The following LRRIQ3 variants were observed in gnomAD, a reference collection of about 807,000 sequenced individuals.
The protein encoded by LRRIQ3 is leucine rich repeats and IQ motif containing 3.
In LRRIQ3, 75 loss-of-function variants were observed where a neutral mutation model predicts 59.3. The observed-to-expected ratio is 1.26, with a 90% CI of 1.05 to 1.53. The LOEUF (loss-of-function observed/expected upper bound fraction) is 1.53. Among genes scored for constraint, LRRIQ3 ranks in the 40% most tolerant of loss-of-function variants. The pLI, the probability that LRRIQ3 is intolerant of heterozygous loss-of-function variation, is 0.00. For synonymous variants in LRRIQ3, 250 were observed against 231.3 expected (o/e 1.08, Z -0.73); for missense variants, 831 against 710.0 (o/e 1.17, Z -1.94).
intron 4 of LRRIQ3, among the ~76,000 whole-genome samples, chr1:74,148,259 C>T (rs764578485): frequency 6.6e-6 from 1 of 152,108 alleles, no homozygotes; most frequent in Non-Finnish European, 1.5e-5. Flanking sequence ...GATGCTTTGA[C>T]TTTGAATCTG....
intron 6 of LRRIQ3, among the ~76,000 whole-genome samples, chr1:74,065,046 C>G (rs905302533): frequency 2.0e-5 from 3 of 151,966 alleles, no homozygotes; most frequent in Non-Finnish European, 4.4e-5. Context: ...ACCTAGTTCT[C>G]CCATTACATT....
At chr1:74,133,892 C>CA (rs887873335) in intron 4 of LRRIQ3, among the ~76,000 whole-genome samples, 2 of 151,168 alleles carry the variant, frequency 1.3e-5, no homozygotes, top group African/African-American at 2.4e-5. Flanking sequence ...ATAATCCTAC[C>CA]AAAAAAAATC....
intron 4 of LRRIQ3, among the ~76,000 whole-genome samples, chr1:74,142,234 C>G (rs1401087585): frequency 6.6e-6 from 1 of 151,918 alleles, no homozygotes; most frequent in African/African-American, 2.4e-5. Context: ...ATTTTTCCCA[C>G]AGTAGCTGTA....
intron 6 of LRRIQ3, among the ~76,000 whole-genome samples, chr1:74,058,845 T>G (rs769517427): frequency 6.6e-6 from 1 of 152,048 alleles, no homozygotes; most frequent in Non-Finnish European, 1.5e-5. Flanking sequence ...TATGTATAAT[T>G]ATTATGTATT....
At chr1:74,071,171 T>C (rs1468349482) in intron 6 of LRRIQ3, among the ~76,000 whole-genome samples, 1 of 151,942 alleles carries the variant, frequency 6.6e-6, no homozygotes, top group African/African-American at 2.4e-5. Flanking sequence ...TGTAGTTATA[T>C]ATAGTTATAT....
chr1:74,147,784 CT>C (rs2100650886), intron 4 of LRRIQ3, among the ~76,000 whole-genome samples: 1 of 152,132 alleles, frequency 6.6e-6, no homozygotes, highest in Non-Finnish European at 1.5e-5. Flanking sequence ...GGGGTTGAAT[CT>C]TTTTGAGGAC....
chr1:74,077,457 C>T (rs951249285), intron 5 of LRRIQ3, among the ~76,000 whole-genome samples: 1 of 151,476 alleles, frequency 6.6e-6, no homozygotes, highest in Admixed American at 6.6e-5. Context: ...ACAAGAACCC[C>T]CCCCAAAAAA....
chr1:74,035,281 G>GTAGACATAGACA (rs201220287), intron 7 of LRRIQ3, among the ~76,000 whole-genome samples: 1 of 151,758 alleles, frequency 6.6e-6, no homozygotes, highest in African/African-American at 2.4e-5. Context: ...AGACATAGAA[G>GTAGACATAGACA]TAGACATAGA....
At chr1:74,036,553 G>C (rs771715209) in intron 7 of LRRIQ3, among the ~76,000 whole-genome samples, 51 of 152,226 alleles carry the variant, frequency 3.4e-4, no homozygotes, top group Non-Finnish European at 6.0e-4. Context: ...CTTTATTATA[G>C]AAGTGTCAGC....
intron 6 of LRRIQ3, among the ~76,000 whole-genome samples, chr1:74,072,651 G>A (rs113887206): frequency 1.2e-3 from 187 of 152,016 alleles, no homozygotes; most frequent in African/African-American, 4.2e-3. Context: ...ATATGGTGGG[G>A]CAATTTATGC....
At chr1:74,092,231 T>G (rs558708781) in intron 5 of LRRIQ3, among the ~76,000 whole-genome samples, 1 of 152,098 alleles carries the variant, frequency 6.6e-6, no homozygotes, top group African/African-American at 2.4e-5. Context: ...AGTCAGTCAC[T>G]AAGTACTGAG....
chr1:74,085,048 T>A (rs1646311849), intron 5 of LRRIQ3, among the ~76,000 whole-genome samples: 1 of 151,842 alleles, frequency 6.6e-6, no homozygotes, highest in Non-Finnish European at 1.5e-5. Flanking sequence ...ATAATGTTAA[T>A]GTATTTTCTT....
intron 4 of LRRIQ3, 68 bp from the exon 5 acceptor site, chr1:74,109,621 T>A: frequency 7.9e-7 from 1 of 1,264,394 alleles, no homozygotes; most frequent in Non-Finnish European, 1.1e-6. Flanking sequence ...AAATTAGTCA[T>A]GAGTTCACTT....
intron 4 of LRRIQ3, among the ~76,000 whole-genome samples, chr1:74,116,038 TTC>T (rs1491457185): frequency 5.3e-5 from 8 of 152,034 alleles, no homozygotes; most frequent in African/African-American, 1.9e-4. Flanking sequence ...AAAATATACA[TTC>T]TTTCTTTTTA....
chr1:74,190,414 T>C (rs2100740935), intron 1 of LRRIQ3, among the ~76,000 whole-genome samples: 1 of 151,446 alleles, frequency 6.6e-6, no homozygotes, highest in African/African-American at 2.4e-5. Context: ...ACATGACTGA[T>C]AAAAGAATCT....
intron 7 of LRRIQ3, among the ~76,000 whole-genome samples, chr1:74,040,986 G>T (rs1654026131): frequency 6.6e-6 from 1 of 152,110 alleles, no homozygotes; most frequent in African/African-American, 2.4e-5. Flanking sequence ...ATAACTAAGA[G>T]GTAGATAGGT....
chr1:74,093,915 C>G (rs1646420351), intron 5 of LRRIQ3, among the ~76,000 whole-genome samples: 1 of 152,028 alleles, frequency 6.6e-6, no homozygotes, highest in Non-Finnish European at 1.5e-5. Flanking sequence ...CTGTGAATGT[C>G]ACCTTATATA....
chr1:74,095,783 A>G (rs1012671883), intron 5 of LRRIQ3, among the ~76,000 whole-genome samples: 2 of 152,092 alleles, frequency 1.3e-5, no homozygotes, highest in African/African-American at 2.4e-5. Context: ...TTTATCCAAA[A>G]CATTCCTAAT....
At chr1:74,119,829 C>T (rs1157640637) in intron 4 of LRRIQ3, among the ~76,000 whole-genome samples, 5 of 151,940 alleles carry the variant, frequency 3.3e-5, no homozygotes, top group Admixed American at 3.3e-4. Flanking sequence ...GATAAAGTGG[C>T]CTAAAAGTAA....
Sources: gnomAD v4.1 joint callset for allele counts (sites outside exome capture counted in the v4.1 genomes callset) on GRCh38, gnomAD v4.1.1 for gene constraint, MANE v1.5 for transcripts, NCBI Gene and HGNC (gene_info 2026-07-23, HGNC 2026-07-21) for gene names.